ANKRD36: variants seen among roughly 807,000 people sequenced by gnomAD.
ANKRD36 encodes the protein ankyrin repeat domain 36, also known as ankyrin repeat domain-containing protein 36A.
Under a neutral mutation model 278.1 loss-of-function variants are expected in ANKRD36, and 179 were observed. That is an observed-to-expected ratio of 0.64 (90% CI 0.57 to 0.73). The LOEUF (loss-of-function observed/expected upper bound fraction) is 0.73, where lower values mean the gene tolerates loss of function less well. Ranked by LOEUF, ANKRD36 falls within the 30% of genes least tolerant of loss-of-function variation. ANKRD36 has a pLI of 0.00. For missense variants in ANKRD36, 1,159 were observed against 1,956.7 expected (o/e 0.59, Z 7.69); for synonymous variants, 320 against 641.1 (o/e 0.50, Z 7.57).
chr2:97,224,452 GT>G (rs199810806), intron 66 of ANKRD36, among the ~76,000 whole-genome samples: 47 of 137,890 alleles, frequency 3.4e-4, no homozygotes, highest in African/African-American at 5.0e-4. Context: ...TTGTTTTTTT[GT>G]TTTTTTTTTT....
chr2:97,121,797 T>A (rs554659768), intron 3 of ANKRD36, among the ~76,000 whole-genome samples: 3 of 151,990 alleles, frequency 2.0e-5, no homozygotes, highest in Admixed American at 6.6e-5. Flanking sequence ...AAGTAAGAAT[T>A]AATTGGAAAC....
intron 48 of ANKRD36, among the ~76,000 whole-genome samples, chr2:97,203,281 G>A (rs2061899747): frequency 1.3e-5 from 2 of 151,772 alleles, no homozygotes; most frequent in Non-Finnish European, 1.5e-5. Flanking sequence ...TTTTCAATGG[G>A]TATTGCAGTG....
At chr2:97,139,766 T>C (rs2042403033) in intron 6 of ANKRD36, among the ~76,000 whole-genome samples, 1 of 152,074 alleles carries the variant, frequency 6.6e-6, no homozygotes, top group Non-Finnish European at 1.5e-5. Context: ...TTTTGACATG[T>C]CATGACCCTG....
rs1158827695 is a variant in ANKRD36, at chr2:97,118,374, A to C, written c.343A>C (p.Thr115Pro). The C allele has an allele frequency of 1.9e-6, 3 of 1,609,326 alleles. No individual in the cohort carries two copies. The highest frequency in any genetic ancestry group is 2.5e-6 in the Non-Finnish European group (3 of 1,178,212). The change falls in exon 3 of 76, where the codon ACT (threonine) becomes CCT (proline). Residue 115 changes from threonine (T) to proline (P), a missense_variant. Thr to Pro is a conservative substitution (Grantham distance 38). Coordinates refer to ENST00000420699, the MANE Select transcript of ANKRD36 (RefSeq NM_001354587.1). Reference protein sequence around the residue: ...AVQLRQEACATLLLQNGANPN... With the variant: ...AVQLRQEACAPLLLQNGANPN... Reference sequence around the variant, plus strand: ...ACAACTGAGGCAGGAGGCTTGTGCAACTCTTCTGCTGCAAAATGGCGCCAA... The same window carrying C: ...ACAACTGAGGCAGGAGGCTTGTGCACCTCTTCTGCTGCAAAATGGCGCCAA...
intron 15 of ANKRD36, among the ~76,000 whole-genome samples, chr2:97,157,099 G>C (rs1481099016): frequency 1.3e-5 from 2 of 149,966 alleles, no homozygotes; most frequent in Non-Finnish European, 3.0e-5. Flanking sequence ...GTGTTAAGTT[G>C]CTGGAATTTT....
intron 10 of ANKRD36, among the ~76,000 whole-genome samples, chr2:97,145,879 A>G (rs1394733327): frequency 3.9e-5 from 6 of 152,050 alleles, no homozygotes; most frequent in African/African-American, 1.2e-4. Context: ...CCAATTCAGA[A>G]CACTTCCACT....
rs541251330 is a variant in ANKRD36, at chr2:97,179,935, T to C, written c.1735+2T>C. 1.4e-5 allele frequency: 23 copies of C among 1,604,858 alleles called. No homozygotes were observed. Among genetic ancestry groups the C allele is most frequent in the Non-Finnish European group, 2.0e-5 (23 of 1,178,134 alleles). ...AGGAGGGACCAATATCTGGGACAGGTAATTTTGCAAAACACATCTAATGTC... is the reference window on the plus strand; with the variant it reads ...AGGAGGGACCAATATCTGGGACAGGCAATTTTGCAAAACACATCTAATGTC... On this transcript the variant is annotated splice_donor_variant, in intron 24 of 75. Coordinates refer to ENST00000420699, the MANE Select transcript of ANKRD36 (RefSeq NM_001354587.1). LOFTEE classifies it high-confidence loss of function.
intron 20 of ANKRD36, among the ~76,000 whole-genome samples, chr2:97,165,720 A>G (rs150849766): frequency 0.012 from 1,831 of 152,170 alleles, 26 homozygotes; most frequent in African/African-American, 0.042. Context: ...AATGCTCTAT[A>G]ATGCCTCACC....
At chr2:97,129,382 G>A (rs1259072594) in intron 6 of ANKRD36, among the ~76,000 whole-genome samples, 4 of 152,142 alleles carry the variant, frequency 2.6e-5, no homozygotes, top group Middle Eastern at 3.4e-3. Flanking sequence ...CCCTTTGTCA[G>A]ATGAGTAGGT....
intron 42 of ANKRD36, among the ~76,000 whole-genome samples, chr2:97,197,311 A>G (rs2060052320): frequency 6.6e-6 from 1 of 151,894 alleles, no homozygotes; most frequent in African/African-American, 2.4e-5. Flanking sequence ...TGCTGAGGAA[A>G]CCTGAGTGAA....
intron 38 of ANKRD36, 106 bp from the exon 39 acceptor site, chr2:97,194,620 A>C: frequency 6.4e-7 from 1 of 1,573,302 alleles, no homozygotes; most frequent in South Asian, 1.1e-5. Flanking sequence ...CAAAGCGTAC[A>C]CTAATACAGG....
chr2:97,187,290 G>T lies in ANKRD36; in HGVS notation c.2071-39G>T, dbSNP rs1161949876. On this transcript the variant is annotated intron_variant, in intron 31 of 75. Coordinates refer to ENST00000420699, the MANE Select transcript of ANKRD36 (RefSeq NM_001354587.1). ...TATAGTCTATGAAATATACTTCATT[G>T]ATTTATTTATTTATTATTTTCTTTC... 1.3e-5 allele frequency: 21 copies of T among 1,596,970 alleles called. No individual in the cohort carries two copies. In the East Asian group the frequency reaches 1.9e-4, roughly 14 times the overall value.
chr2:97,191,003 G>A lies in ANKRD36; in HGVS notation c.2271G>A (p.Leu757=). ...TGTCTTCTCAGAAACAACCAGCCTT[G>A]AAGGTAATTAAACTCTCATTTATAT... The part of the protein sequence containing the change: ...GTVSSQKQPA[L]KATTDEKDSV... The change falls in exon 35 of 76, where the codon TTG becomes TTA. Residue 757 remains leucine, a synonymous_variant. Transcript: ENST00000420699. 3 of 1,605,058 alleles carry A rather than the reference G, an allele frequency of 1.9e-6. 1 individual carries two copies. The highest frequency in any genetic ancestry group is 2.6e-6 in the Non-Finnish European group (3 of 1,175,742).
intron 17 of ANKRD36, among the ~76,000 whole-genome samples, chr2:97,160,753 A>G (rs1232503254): frequency 6.6e-6 from 1 of 152,096 alleles, no homozygotes; most frequent in African/African-American, 2.4e-5. Context: ...ATATTTTAGT[A>G]GTACTTAAAA....
chr2:97,215,587 T>C lies in ANKRD36; in HGVS notation c.3673+90T>C, dbSNP rs397840433. On this transcript the variant is annotated intron_variant, in intron 62 of 75. Coordinates refer to ENST00000420699, the MANE Select transcript of ANKRD36 (RefSeq NM_001354587.1). ...TAAATCAGCGGGGGGTTCATTGAAG[T>C]TTTATGTTTGGATTCAGCATGCCTG... 1,321 of 1,574,552 alleles carry C rather than the reference T, an allele frequency of 8.4e-4. 10 individuals are homozygous for C. The African/African-American group carries it at 0.015, about 17-fold the overall frequency.
At chr2:97,193,880 T>G (rs2059088469) in intron 38 of ANKRD36, among the ~76,000 whole-genome samples, 1 of 151,718 alleles carries the variant, frequency 6.6e-6, no homozygotes, top group Non-Finnish European at 1.5e-5. Flanking sequence ...ACAAGACTAT[T>G]TTAGACACAA....
intron 28 of ANKRD36, among the ~76,000 whole-genome samples, chr2:97,184,161 AT>A (rs1476383588): frequency 6.6e-6 from 1 of 151,610 alleles, no homozygotes; most frequent in African/African-American, 2.4e-5. Flanking sequence ...TATTTATGTA[AT>A]TTTGGGGTTT....
intron 32 of ANKRD36, among the ~76,000 whole-genome samples, chr2:97,188,218 C>A (rs1327282325): frequency 6.6e-6 from 1 of 151,800 alleles, no homozygotes; most frequent in African/African-American, 2.4e-5. Flanking sequence ...TAGAGACTAA[C>A]ATGATACTCC....
intron 22 of ANKRD36, among the ~76,000 whole-genome samples, chr2:97,175,207 G>C (rs1305590356): frequency 5.4e-5 from 8 of 149,302 alleles, no homozygotes; most frequent in South Asian, 2.2e-4. Context: ...AATGGTACCA[G>C]TTCCTCCTTG....
Sources: gnomAD v4.1 joint callset for allele counts (sites outside exome capture counted in the v4.1 genomes callset) on GRCh38, gnomAD v4.1.1 for gene constraint, MANE v1.5 for transcripts, NCBI Gene and HGNC (gene_info 2026-07-23, HGNC 2026-07-21) for gene names.